The following OSBPL8 variants were observed in gnomAD, a reference collection of about 807,000 sequenced individuals.
OSBPL8 encodes the protein oxysterol binding protein like 8.
OSBPL8 carries 59 observed loss-of-function variants against 125.5 expected under a neutral mutation model. The observed-to-expected ratio is 0.47, with a 90% CI of 0.38 to 0.58. The LOEUF (loss-of-function observed/expected upper bound fraction) is 0.58. Ranked by LOEUF, OSBPL8 falls within the 20% of genes least tolerant of loss-of-function variation. The pLI, the probability that OSBPL8 is intolerant of heterozygous loss-of-function variation, is 0.00. For missense variants in OSBPL8, 758 were observed against 1,047.8 expected, an observed-to-expected ratio of 0.72 and a Z score of 3.82; for synonymous variants, 330 against 338.9, an observed-to-expected ratio of 0.97 and a Z score of 0.29.
At chr12:76,434,180 G>C (rs1871184651) in intron 4 of OSBPL8, among the ~76,000 whole-genome samples, 1 of 152,054 alleles carries the variant, frequency 6.6e-6, no homozygotes, top group African/African-American at 2.4e-5. Context: ...GAACAGAATA[G>C]AGAGCCCAGA....
chr12:76,477,436 A>G (rs1876941433), intron 2 of OSBPL8, among the ~76,000 whole-genome samples: 1 of 152,192 alleles, frequency 6.6e-6, no homozygotes, highest in Non-Finnish European at 1.5e-5. Context: ...CTTCCTTCTC[A>G]AAATCCATTA....
chr12:76,533,891 A>G (rs1412930316), intron 1 of OSBPL8, among the ~76,000 whole-genome samples: 1 of 152,240 alleles, frequency 6.6e-6, no homozygotes, highest in Non-Finnish European at 1.5e-5. Context: ...GGCAAAATAA[A>G]CAGAAGATAA....
At chr12:76,497,368 G>A (rs1879388380) in intron 1 of OSBPL8, among the ~76,000 whole-genome samples, 1 of 152,150 alleles carries the variant, frequency 6.6e-6, no homozygotes, top group Non-Finnish European at 1.5e-5. Flanking sequence ...AATAGGAGTA[G>A]AGCATACTTT....
At chr12:76,510,026 A>G (rs1040105460) in intron 1 of OSBPL8, among the ~76,000 whole-genome samples, 1 of 152,242 alleles carries the variant, frequency 6.6e-6, no homozygotes. Context: ...TCTCATAGAC[A>G]TTAAATACAT....
chr12:76,392,784 T>C, intron 9 of OSBPL8, 32 bp from the exon 10 acceptor site: 1 of 1,540,112 alleles, frequency 6.5e-7, no homozygotes, highest in South Asian at 1.2e-5. Flanking sequence ...AGCACTATAA[T>C]TTTTAAAACT....
intron 3 of OSBPL8, among the ~76,000 whole-genome samples, chr12:76,457,256 T>C (rs568666564): frequency 6.6e-6 from 1 of 152,332 alleles, no homozygotes; most frequent in Non-Finnish European, 1.5e-5. Context: ...TAATGTTATG[T>C]AGTTACGATT....
At chr12:76,461,170 A>G (rs7301198) in intron 2 of OSBPL8, among the ~76,000 whole-genome samples, 74,516 of 151,960 alleles carry the variant, frequency 0.49, 19,566 homozygotes, top group African/African-American at 0.66. Context: ...TTACTGATGT[A>G]AGCCACCACA....
intron 21 of OSBPL8, 29 bp downstream of exon 21, chr12:76,369,185 C>A (rs768937580): frequency 1.0e-5 from 16 of 1,592,458 alleles, no homozygotes; most frequent in Admixed American, 3.7e-5. Flanking sequence ...GATTTATATA[C>A]CTAGTGTACC....
chr12:76,500,334 C>G (rs1055805804), intron 1 of OSBPL8, among the ~76,000 whole-genome samples: 1 of 152,202 alleles, frequency 6.6e-6, no homozygotes, highest in Non-Finnish European at 1.5e-5. Flanking sequence ...TGCCTGCATT[C>G]TTCCTTCTAG....
chr12:76,505,141 T>A (rs2137141791), intron 1 of OSBPL8, among the ~76,000 whole-genome samples: 1 of 152,294 alleles, frequency 6.6e-6, no homozygotes, highest in East Asian at 1.9e-4. Flanking sequence ...TATATTAAAT[T>A]CTTTCTCTTT....
At chr12:76,535,119 AAC>A (rs1261846231) in intron 1 of OSBPL8, among the ~76,000 whole-genome samples, 5 of 152,204 alleles carry the variant, frequency 3.3e-5, no homozygotes, top group Admixed American at 2.0e-4. Context: ...CATGAAAGAA[AAC>A]AGATATGCTA....
At chr12:76,418,971 C>T (rs1413851723) in intron 4 of OSBPL8, among the ~76,000 whole-genome samples, 1 of 152,070 alleles carries the variant, frequency 6.6e-6, no homozygotes, top group South Asian at 2.1e-4. Flanking sequence ...CATGATGGCT[C>T]ATGCCTATAA....
intron 4 of OSBPL8, among the ~76,000 whole-genome samples, chr12:76,438,727 GGAT>G (rs1365096534): frequency 6.6e-6 from 1 of 152,062 alleles, no homozygotes; most frequent in African/African-American, 2.4e-5. Context: ...TTTATTAGTA[GGAT>G]GATAACAGTT....
At chr12:76,516,500 A>C (rs146647635) in intron 1 of OSBPL8, among the ~76,000 whole-genome samples, 2,611 of 152,320 alleles carry the variant, frequency 0.017, 38 homozygotes, top group Non-Finnish European at 0.028. Flanking sequence ...CAGACTAACC[A>C]GAGAAAAGCG....
chr12:76,450,663 A>C (rs913272944), intron 4 of OSBPL8, among the ~76,000 whole-genome samples, 188 bp downstream of exon 4: 2 of 152,156 alleles, frequency 1.3e-5, no homozygotes, highest in African/African-American at 4.8e-5. Flanking sequence ...AAAAATTAAA[A>C]GTCTAAAGGA....
At chr12:76,543,224 T>C (rs1950694131) in intron 1 of OSBPL8, among the ~76,000 whole-genome samples, 1 of 152,094 alleles carries the variant, frequency 6.6e-6, no homozygotes, top group Admixed American at 6.6e-5. Context: ...ATCTATTGAA[T>C]TAATGGTCTT....
At chr12:76,380,036 G>C (rs1346175808) in intron 15 of OSBPL8, among the ~76,000 whole-genome samples, 4 of 152,124 alleles carry the variant, frequency 2.6e-5, no homozygotes, top group Non-Finnish European at 5.9e-5. Context: ...ACACTGTAAT[G>C]ATTACCTTAG....
chr12:76,380,542 A>AAC (rs1953002307), intron 15 of OSBPL8, among the ~76,000 whole-genome samples: 1 of 151,230 alleles, frequency 6.6e-6, no homozygotes, highest in African/African-American at 2.4e-5. Context: ...AAAAAAAAAA[A>AAC]AAAAACCCTC....
At chr12:76,516,034 A>G (rs1045153816) in intron 1 of OSBPL8, among the ~76,000 whole-genome samples, 1 of 152,350 alleles carries the variant, frequency 6.6e-6, no homozygotes, top group East Asian at 1.9e-4. Flanking sequence ...GAACTGAGGT[A>G]TGCAAAGAAA....
Sources: gnomAD v4.1 joint callset for allele counts (sites outside exome capture counted in the v4.1 genomes callset) on GRCh38, gnomAD v4.1.1 for gene constraint, MANE v1.5 for transcripts, NCBI Gene and HGNC (gene_info 2026-07-23, HGNC 2026-07-21) for gene names.